NRG3: variants seen among roughly 807,000 people sequenced by gnomAD.
NRG3 encodes the protein neuregulin 3.
In NRG3, 31 loss-of-function variants were observed where a neutral mutation model predicts 66.9. The ratio of observed to expected loss-of-function variants is 0.46; its 90% CI spans 0.35 to 0.63. NRG3 has a LOEUF of 0.63. Ranked by LOEUF, NRG3 falls within the 20% of genes least tolerant of loss-of-function variation. The pLI is 0.00. For missense variants in NRG3, 910 were observed against 878.9 expected (o/e 1.04, Z -0.45); for synonymous variants, 393 against 359.4 (o/e 1.09, Z -1.06).
chr10:82,511,288 A>T (rs1341212468), intron 2 of NRG3, among the ~76,000 whole-genome samples: 1 of 152,236 alleles, frequency 6.6e-6, no homozygotes, highest in Non-Finnish European at 1.5e-5. Context: ...AAGGAAAAAA[A>T]AGAAAACTGA....
chr10:82,917,736 G>A (rs921426613), intron 4 of NRG3, among the ~76,000 whole-genome samples: 2 of 151,978 alleles, frequency 1.3e-5, no homozygotes, highest in Admixed American at 6.6e-5. Flanking sequence ...GTCTCTTGCT[G>A]CCTAGAAGTC....
At chr10:82,471,812 C>T (rs1191032437) in intron 2 of NRG3, among the ~76,000 whole-genome samples, 1 of 151,742 alleles carries the variant, frequency 6.6e-6, no homozygotes, top group Non-Finnish European at 1.5e-5. Context: ...TCACTTGAAC[C>T]CAGGAGGCAG....
At chr10:82,069,091 C>A (rs1479354183) in intron 1 of NRG3, among the ~76,000 whole-genome samples, 2 of 152,152 alleles carry the variant, frequency 1.3e-5, no homozygotes, top group Non-Finnish European at 2.9e-5. Flanking sequence ...ATTTCCCATG[C>A]CCAGAGAGAA....
intron 2 of NRG3, among the ~76,000 whole-genome samples, chr10:82,361,527 G>A (rs1269456094): frequency 1.3e-5 from 2 of 152,142 alleles, no homozygotes; most frequent in Admixed American, 1.3e-4. Context: ...ATTTTGTACA[G>A]CACTCTATTT....
intron 2 of NRG3, among the ~76,000 whole-genome samples, chr10:82,594,609 C>T (rs2127897): frequency 0.055 from 8,372 of 152,176 alleles, 403 homozygotes; most frequent in African/African-American, 0.13. Context: ...GTAATACTAC[C>T]ATTATGCTAA....
At chr10:82,437,282 A>C (rs1285721789) in intron 2 of NRG3, among the ~76,000 whole-genome samples, 1 of 151,378 alleles carries the variant, frequency 6.6e-6, no homozygotes, top group Non-Finnish European at 1.5e-5. Context: ...TATTTCAGTA[A>C]GGTGGTCTTC....
chr10:81,987,747 A>T (rs2060580477), intron 1 of NRG3, among the ~76,000 whole-genome samples: 1 of 152,216 alleles, frequency 6.6e-6, no homozygotes, highest in African/African-American at 2.4e-5. Flanking sequence ...AAGCTCTTTG[A>T]AGTCACTTGT....
chr10:82,425,025 C>G (rs1400817707), intron 2 of NRG3, among the ~76,000 whole-genome samples: 1 of 152,028 alleles, frequency 6.6e-6, no homozygotes, highest in Non-Finnish European at 1.5e-5. Flanking sequence ...TTCCATAGGT[C>G]TTGATTGCTG....
intron 1 of NRG3, among the ~76,000 whole-genome samples, chr10:82,028,651 C>G (rs72823902): frequency 6.6e-6 from 1 of 152,038 alleles, no homozygotes; most frequent in Admixed American, 6.6e-5. Context: ...CAGATCAGCA[C>G]ACATCTTTAC....
At chr10:82,432,225 A>G (rs538074330) in intron 2 of NRG3, among the ~76,000 whole-genome samples, 20 of 152,218 alleles carry the variant, frequency 1.3e-4, no homozygotes, top group African/African-American at 4.8e-4. Flanking sequence ...AAGTTATCAA[A>G]TCGTGTATTT....
chr10:82,509,742 C>T (rs1007721439), intron 2 of NRG3, among the ~76,000 whole-genome samples: 10 of 152,150 alleles, frequency 6.6e-5, no homozygotes, highest in African/African-American at 9.7e-5. Flanking sequence ...TATTGAATTC[C>T]TGACTGCATA....
chr10:82,827,297 C>A, intron 3 of NRG3: 1 of 321,622 alleles, frequency 3.1e-6, no homozygotes, highest in Non-Finnish European at 6.0e-6. Flanking sequence ...AAAACAAAGG[C>A]AACAGCACAC....
intron 2 of NRG3, among the ~76,000 whole-genome samples, chr10:82,383,524 A>G (rs1205805783): frequency 6.6e-6 from 1 of 152,036 alleles, no homozygotes; most frequent in African/African-American, 2.4e-5. Context: ...TTTAATAATG[A>G]AAGTACTTAA....
At chr10:82,039,836 C>G (rs2062951925) in intron 1 of NRG3, among the ~76,000 whole-genome samples, 1 of 152,126 alleles carries the variant, frequency 6.6e-6, no homozygotes, top group South Asian at 2.1e-4. Context: ...CCTGACGCAT[C>G]ACTGCCCAGG....
At chr10:82,821,203 G>A (rs1017173460) in intron 3 of NRG3, among the ~76,000 whole-genome samples, 3 of 152,054 alleles carry the variant, frequency 2.0e-5, no homozygotes, top group African/African-American at 7.2e-5. Flanking sequence ...CCTCTTTGTG[G>A]CATCACGTTG....
At chr10:82,728,194 T>C (rs779808325) in intron 2 of NRG3, among the ~76,000 whole-genome samples, 8 of 152,140 alleles carry the variant, frequency 5.3e-5, no homozygotes, top group African/African-American at 1.7e-4. Flanking sequence ...TGGGGGACTG[T>C]AGGGAACGCA....
intron 1 of NRG3, among the ~76,000 whole-genome samples, chr10:82,156,281 G>A (rs1477238109): frequency 1.3e-5 from 2 of 150,576 alleles, no homozygotes; most frequent in African/African-American, 4.9e-5. Flanking sequence ...AACACTCATT[G>A]TGTTCTGTCT....
chr10:82,388,124 C>T (rs1282624871), intron 2 of NRG3, among the ~76,000 whole-genome samples: 2 of 152,130 alleles, frequency 1.3e-5, no homozygotes, highest in Admixed American at 6.6e-5. Flanking sequence ...AACACAATTA[C>T]TCATCACTTC....
Position 82,580,021 on chromosome 10 carries a change from T to C in NRG3, c.954-158556T>C, listed in dbSNP as rs376709337. ...GGATGCTCAAGTCACTTTTATAAAA[T>C]GGCATAATATTTATTATAACCTATG... On this transcript the variant is annotated intron_variant, in intron 2 of 8. Coordinates refer to ENST00000372141, the MANE Select transcript of NRG3 (RefSeq NM_001010848.4). Among the ~76,000 whole-genome samples the C allele has an allele frequency of 7.2e-5, 11 of 152,056 alleles. No individual in the cohort carries two copies. The South Asian group carries it at 1.7e-3, about 23-fold the overall frequency.
Sources: allele counts gnomAD v4.1 joint callset (sites outside exome capture counted in the v4.1 genomes callset), GRCh38; gene constraint gnomAD v4.1.1; transcripts MANE v1.5; gene names NCBI Gene and HGNC (gene_info 2026-07-23, HGNC 2026-07-21).